The following ADAM23 variants were observed in gnomAD, a reference collection of about 807,000 sequenced individuals.
The protein encoded by ADAM23 is ADAM metallopeptidase domain 23.
Under a neutral mutation model 120.1 loss-of-function variants are expected in ADAM23, and 33 were observed. The ratio of observed to expected loss-of-function variants is 0.27; its 90% CI spans 0.21 to 0.37. The LOEUF (loss-of-function observed/expected upper bound fraction) is 0.37. Ranked by LOEUF, ADAM23 falls within the 10% of genes least tolerant of loss-of-function variation. The pLI, the probability that ADAM23 is intolerant of heterozygous loss-of-function variation, is 1.00. For missense variants in ADAM23, 862 were observed against 1,058.2 expected, an observed-to-expected ratio of 0.81 and a Z score of 2.57; for synonymous variants, 367 against 375.2, an observed-to-expected ratio of 0.98 and a Z score of 0.25.
At chr2:206,588,860 A>G (rs1698375697) in intron 20 of ADAM23, among the ~76,000 whole-genome samples, 1 of 152,226 alleles carries the variant, frequency 6.6e-6, no homozygotes, top group Admixed American at 6.5e-5. Context: ...GGCAAATATC[A>G]TTTATTTGAC....
At chr2:206,608,887 A>G (rs1390955337) in intron 24 of ADAM23, among the ~76,000 whole-genome samples, 1 of 152,242 alleles carries the variant, frequency 6.6e-6, no homozygotes, top group Non-Finnish European at 1.5e-5. Flanking sequence ...TCGGGAAACT[A>G]GCAACATTGG....
rs915394948 is a variant in ADAM23 at position 206,571,961 on chromosome 2, A to T, written c.1656+145A>T. 3 of 630,440 alleles carry T rather than the reference A, an allele frequency of 4.8e-6. No homozygotes were observed. The Admixed American group carries it at 8.6e-5, about 18-fold the overall frequency. The allele number at this position is 630,440 out of a possible 1,614,324, so 39.1% of individuals were successfully genotyped here. On this transcript the variant is annotated intron_variant, in intron 17 of 25. Transcript: ENST00000264377. ...CCTGGCAGTTTTCTAGGATCGATAA[A>T]TCTCAAATTCTGTGGGCCGCAACAT...
chr2:206,544,556 G>A (rs1697356429), intron 6 of ADAM23, among the ~76,000 whole-genome samples: 1 of 151,794 alleles, frequency 6.6e-6, no homozygotes, highest in Admixed American at 6.6e-5. Context: ...CATGTGGTAT[G>A]TTAGATAGTG....
intron 3 of ADAM23, among the ~76,000 whole-genome samples, chr2:206,514,249 G>A (rs576102689): frequency 5.6e-4 from 85 of 152,248 alleles, no homozygotes; most frequent in Middle Eastern, 6.8e-3. Flanking sequence ...AAAACCTTCT[G>A]GAAAGGATTA....
chr2:206,458,272 T>C (rs1695341682), intron 2 of ADAM23, among the ~76,000 whole-genome samples: 1 of 77,498 alleles, frequency 1.3e-5, no homozygotes, highest in African/African-American at 5.1e-5. Flanking sequence ...ATGTTACCAA[T>C]TAATGACTGA....
chr2:206,549,909 G>T (rs549812731), intron 8 of ADAM23, among the ~76,000 whole-genome samples, 186 bp from the exon 9 acceptor site: 1 of 152,156 alleles, frequency 6.6e-6, no homozygotes, highest in African/African-American at 2.4e-5. Flanking sequence ...CTAAATACTT[G>T]AATATGTACC....
chr2:206,530,669 CTTTTTTTTTT>C (rs56206262), intron 3 of ADAM23, among the ~76,000 whole-genome samples: 2 of 74,836 alleles, frequency 2.7e-5, no homozygotes, highest in African/African-American at 1.0e-4. Flanking sequence ...TGTGTCTTGT[CTTTTTTTTTT>C]TTTTTTTTTT....
At position 206,512,497 on chromosome 2, in the gene ADAM23, T is replaced by G. The variant is rs531534494; in HGVS notation, c.510-18388T>G. ...CATGGCCTCAAGATCTAAAAACTTT[T>G]GTATAAAAATAGAACAATTTATAAT... On this transcript the variant is annotated intron_variant, in intron 3 of 25. Transcript: ENST00000264377. Among the ~76,000 whole-genome samples the G allele has an allele frequency of 5.3e-5, 8 of 152,374 alleles. No individual in the cohort carries two copies. In the East Asian group the frequency reaches 1.5e-3, roughly 29 times the overall value.
intron 9 of ADAM23, among the ~76,000 whole-genome samples, chr2:206,555,166 C>T (rs940824407): frequency 1.3e-5 from 2 of 152,140 alleles, no homozygotes; most frequent in African/African-American, 4.8e-5. Context: ...GTTCTGTGCT[C>T]ATATACAGAA....
intron 2 of ADAM23, among the ~76,000 whole-genome samples, chr2:206,474,569 C>CATT (rs1695736121): frequency 6.6e-6 from 1 of 151,940 alleles, no homozygotes; most frequent in Non-Finnish European, 1.5e-5. Context: ...ACATTGGTCA[C>CATT]ATTATTATTA....
chr2:206,448,026 T>C (rs1695117021), intron 2 of ADAM23, among the ~76,000 whole-genome samples: 1 of 152,250 alleles, frequency 6.6e-6, no homozygotes, highest in Admixed American at 6.5e-5. Context: ...AAAAGCAGAT[T>C]GTGCAAACCA....
chr2:206,522,259 G>A (rs930331732), intron 3 of ADAM23, among the ~76,000 whole-genome samples: 1 of 151,552 alleles, frequency 6.6e-6, no homozygotes, highest in African/African-American at 2.4e-5. Flanking sequence ...ATTATTTTTA[G>A]ATGTTTTTTG....
Position 206,583,914 on chromosome 2 carries a change from T to TG in ADAM23, c.1738-3405dup, listed in dbSNP as rs749929078. Among the ~76,000 whole-genome samples, 9 of 152,130 alleles carry TG rather than the reference T, an allele frequency of 5.9e-5. No individual in the cohort carries two copies. The East Asian group carries it at 1.4e-3, about 23-fold the overall frequency. On this transcript the variant is annotated intron_variant, in intron 18 of 25. Transcript: ENST00000264377. The stretch of plus-strand genomic sequence containing the variant: ...TTGCTGGTGAACTAGTGTGATTTTT[T>TG]GGGGGGTGTTGAAGAGCCTTGTTTT...
intron 20 of ADAM23, 50 bp from the exon 21 acceptor site, chr2:206,589,359 A>G (rs755676241): frequency 6.6e-7 from 1 of 1,516,382 alleles, no homozygotes; most frequent in South Asian, 1.2e-5. Flanking sequence ...CTGGTTATGG[A>G]TAACAAAGAA....
Position 206,617,824 on chromosome 2 carries a change from C to T in ADAM23, c.*197C>T. The T allele has an allele frequency of 1.7e-6, 2 of 1,191,456 alleles. No homozygotes were observed. The highest frequency in any genetic ancestry group is 2.2e-6 in the Non-Finnish European group (2 of 906,948). 73.8% of individuals were successfully genotyped at this position (1,191,456 alleles called of 1,614,324 possible). A position where few individuals can be genotyped will look rare whatever the true frequency, so the allele number is the denominator to read the frequency against. On this transcript the variant is annotated 3_prime_UTR_variant, in exon 26 of 26. Coordinates refer to ENST00000264377, the MANE Select transcript of ADAM23 (RefSeq NM_003812.4). The stretch of plus-strand genomic sequence containing the variant: ...AAATAATGTCAAAGAACACCTTTCA[C>T]CACCTGTCAGTAAACGGGGGAGGGG...
chr2:206,477,921 T>TATATATATATATAA (rs1695816932), intron 2 of ADAM23, among the ~76,000 whole-genome samples: 1 of 136,568 alleles, frequency 7.3e-6, no homozygotes, highest in Admixed American at 7.7e-5. Flanking sequence ...TATATATATA[T>TATATATATATATAA]AAAACAACAA....
intron 8 of ADAM23, 51 bp from the exon 9 acceptor site, chr2:206,550,044 A>G: frequency 8.4e-7 from 1 of 1,196,698 alleles, no homozygotes; most frequent in Non-Finnish European, 1.2e-6. Flanking sequence ...TGAGCACTAG[A>G]GAGATTTTAT....
chr2:206,495,142 T>C (rs1339126013), intron 3 of ADAM23, among the ~76,000 whole-genome samples: 3 of 151,718 alleles, frequency 2.0e-5, no homozygotes, highest in African/African-American at 7.3e-5. Context: ...TCAGGAAAAA[T>C]AGAGAACGCC....
intron 3 of ADAM23, among the ~76,000 whole-genome samples, chr2:206,497,071 G>T (rs1034184146): frequency 6.6e-6 from 1 of 152,148 alleles, no homozygotes; most frequent in Non-Finnish European, 1.5e-5. Context: ...TCTACCAAAG[G>T]TACAAGGAGG....
Sources: allele counts gnomAD v4.1 joint callset (sites outside exome capture counted in the v4.1 genomes callset), GRCh38; gene constraint gnomAD v4.1.1; transcripts MANE v1.5; gene names NCBI Gene and HGNC (gene_info 2026-07-23, HGNC 2026-07-21).